The following CSPG4 variants were observed in gnomAD, a reference collection of about 807,000 sequenced individuals.
CSPG4 encodes chondroitin sulfate proteoglycan 4.
CSPG4 carries 74 observed loss-of-function variants against 139.3 expected under a neutral mutation model. The ratio of observed to expected loss-of-function variants is 0.53; its 90% CI spans 0.44 to 0.64. The LOEUF is 0.64. Ranked by LOEUF, CSPG4 falls within the 30% of genes least tolerant of loss-of-function variation. The pLI is 0.00. For missense variants in CSPG4, 2,565 were observed against 3,148.3 expected, an observed-to-expected ratio of 0.81 and a Z score of 4.43; for synonymous variants, 1,234 against 1,394.2, an observed-to-expected ratio of 0.89 and a Z score of 2.56.
At chr15:75,686,991 G>C (rs558556340) in intron 3 of CSPG4, among the ~76,000 whole-genome samples, 1 of 152,084 alleles carries the variant, frequency 6.6e-6, no homozygotes, top group Non-Finnish European at 1.5e-5. Context: ...CAGAGATTCT[G>C]TAGGGCTGGG....
rs1318988684 is a variant in CSPG4 at position 75,698,705 on chromosome 15, C to T, written c.89-5472G>A. ...CCAGCACATTGGTCTCCCTGGGCTC[C>T]TCAGGCAAGGGAGAAGCTGTCTGGT... On this transcript the variant is annotated intron_variant, in intron 1 of 9. Transcript: ENST00000308508. The surrounding 1 kb of genome is among the most constrained non-coding windows in gnomAD (Gnocchi z 4.3). Among the ~76,000 whole-genome samples, 2 of 152,058 alleles carry T rather than the reference C, an allele frequency of 1.3e-5. No individual in the cohort carries two copies. Among genetic ancestry groups the T allele is most frequent in the Non-Finnish European group, 2.9e-5 (2 of 67,990 alleles).
At chr15:75,686,872 A>G (rs1171147536) in intron 3 of CSPG4, among the ~76,000 whole-genome samples, 193 of 150,944 alleles carry the variant, frequency 1.3e-3, no homozygotes, top group East Asian at 9.9e-3. Flanking sequence ...GGGGGACATG[A>G]GGGTCTGAGG....
chr15:75,701,807 C>A (rs533268432), intron 1 of CSPG4, among the ~76,000 whole-genome samples: 1 of 152,180 alleles, frequency 6.6e-6, no homozygotes, highest in Admixed American at 6.5e-5. Context: ...ACTCAGTGTA[C>A]TCTCCCCTAC....
At chr15:75,704,533 C>T (rs1394990137) in intron 1 of CSPG4, among the ~76,000 whole-genome samples, 1 of 152,182 alleles carries the variant, frequency 6.6e-6, no homozygotes, top group Non-Finnish European at 1.5e-5. Context: ...GGGTGGGGGG[C>T]CTGGCCGGGC....
In CSPG4 at chr15:75,697,173, T is replaced by C. The variant is rs574996778; in HGVS notation, c.89-3940A>G. ...TGTTCCTTCTGAGTCCTCAGAAGGC[T>C]GCCTGTGTCCCTGTATCTGCCCCAT... On this transcript the variant is annotated intron_variant, in intron 1 of 9. Transcript: ENST00000308508. 2.4e-3 allele frequency among the ~76,000 whole-genome samples: 365 copies of C among 152,292 alleles called. 21 individuals carry two copies. In the South Asian group the frequency reaches 0.072, roughly 30 times the overall value.
Position 75,688,273 on chromosome 15 carries a change from C to A in CSPG4, c.2792G>T (p.Ser931Ile). Residue 931 changes from serine to isoleucine, a missense_variant, in exon 3 of 10, where the codon AGC becomes ATC. This residue lies in a region of CSPG4 where 2,316 missense variants were observed against 2,818.2 expected (regional missense o/e 0.82). Transcript: ENST00000308508. ...HLFVKSLNSASYLYEVMERPR... is the reference protein window; with the variant it reads ...HLFVKSLNSAIYLYEVMERPR... The stretch of plus-strand genomic sequence containing the variant: ...CCGCTCCATGACCTCATAGAGGTAG[C>A]TGGCACTGTTGAGACTCTTGACAAA... 1 of 1,613,086 alleles carries A rather than the reference C, an allele frequency of 6.2e-7. No homozygotes were observed. Among genetic ancestry groups the A allele is most frequent in the Non-Finnish European group, 8.5e-7 (1 of 1,180,030 alleles).
Position 75,690,680 on chromosome 15 carries a change from G to A in CSPG4, c.385C>T (p.Leu129=), listed in dbSNP as rs1894153238. Residue 129 remains leucine, a synonymous_variant, in exon 3 of 10, where the codon CTG becomes TTG. Transcript: ENST00000308508. The part of the protein sequence containing the change: ...GWATLSVDGF[L]NASSAVPGAP... The stretch of plus-strand genomic sequence containing the variant: ...CCTGGGACTGCTGAGGAGGCGTTCA[G>A]AAACCCATCGACTGACAACGTGGCC... 1.2e-6 allele frequency: 2 copies of A among 1,612,744 alleles called. No homozygotes were observed. The highest frequency in any genetic ancestry group is 1.7e-5 in the Admixed American group (1 of 60,016).
At chr15:75,677,485 C>T (rs747351006) in intron 9 of CSPG4, 101 bp from the exon 10 acceptor site, 1 of 1,306,892 alleles carries the variant, frequency 7.7e-7, no homozygotes, top group South Asian at 1.7e-5. Flanking sequence ...CTCCCCCCAA[C>T]CATCAAGCCA....
Position 75,677,277 on chromosome 15 carries a change from G to C in CSPG4, c.5242C>G (p.Leu1748Val). 1 of 1,493,230 alleles carries C rather than the reference G, an allele frequency of 6.7e-7. No homozygotes were observed. Among genetic ancestry groups the C allele is most frequent in the Non-Finnish European group, 9.0e-7 (1 of 1,116,642 alleles). The allele number at this position is 1,493,230 out of a possible 1,614,324, so 92.5% of individuals were successfully genotyped here. A position where few individuals can be genotyped will look rare whatever the true frequency, so the allele number is the denominator to read the frequency against. Residue 1748 changes from leucine (L) to valine (V), a missense_variant, in exon 10 of 10, where the codon CTC (leucine) becomes GTC (valine). By Grantham distance (32) the Leu-to-Val change is conservative (BLOSUM62 1). This residue lies in a region of CSPG4 where 2,316 missense variants were observed against 2,818.2 expected (regional missense o/e 0.82). Transcript: ENST00000308508. ...CTGGGGAACTGTGTGACCTGGAAGAGCACATCATGCTCTGAGCGCTGGGGT... is the reference window on the plus strand; with the variant it reads ...CTGGGGAACTGTGTGACCTGGAAGACCACATCATGCTCTGAGCGCTGGGGT... ...PSPQRSEHDV[L>V]FQVTQFPSRG... is the part of the protein sequence containing the mutation.
Position 75,677,784 on chromosome 15 carries a change from C to A in CSPG4, c.5053G>T (p.Asp1685Tyr). The change falls in exon 9 of 10, where the codon GAC (aspartate) becomes TAC (tyrosine). Residue 1685 changes from aspartate (D) to tyrosine (Y), a missense_variant. Physicochemically the swap from Asp to Tyr is radical, Grantham distance 160. This residue lies in a region of CSPG4 where 2,316 missense variants were observed against 2,818.2 expected (regional missense o/e 0.82). Transcript: ENST00000308508. ...GCCACAGCAAGGGTGGCGGCCACGT[C>A]CCGGGCAGGCGGCGAGGACAGCTGG... ...ELQLSSPPAR[D>Y]VAATLAVAVS... 1 of 1,611,748 alleles carries A rather than the reference C, an allele frequency of 6.2e-7. No individual in the cohort carries two copies. Among genetic ancestry groups the A allele is most frequent in the Non-Finnish European group, 8.5e-7 (1 of 1,179,078 alleles).
At chr15:75,681,028 T>C (rs1056155952) in intron 8 of CSPG4, among the ~76,000 whole-genome samples, 26 of 152,232 alleles carry the variant, frequency 1.7e-4, no homozygotes, top group Admixed American at 1.5e-3. Flanking sequence ...GCTGATGGCC[T>C]GGTCCCGTGC....
Position 75,688,618 on chromosome 15 carries a change from G to A in CSPG4, c.2447C>T (p.Pro816Leu), listed in dbSNP as rs778610496. The A allele has an allele frequency of 2.3e-4, 363 of 1,612,732 alleles. No individual in the cohort carries two copies. Among genetic ancestry groups the A allele is most frequent in the Non-Finnish European group, 2.9e-4 (344 of 1,179,912 alleles). The change falls in exon 3 of 10, where the codon CCA becomes CTA. Residue 816 changes from proline (P) to leucine (L), a missense_variant. Pro to Leu is a moderately conservative substitution (Grantham distance 98). Coordinates refer to ENST00000308508, the MANE Select transcript of CSPG4 (RefSeq NM_001897.5). ...CTCATAATGGAAGGTTGGGGGGCTT[G>A]GGCCTGCCTCCTCCAGGGTGGCCTC... ...HLEATLEEAG[P>L]SPPTFHYEVV...
At position 75,676,274 on chromosome 15, in the gene CSPG4, C is replaced by A; in HGVS notation, c.6245G>T (p.Arg2082Leu). The A allele has an allele frequency of 6.3e-7, 1 of 1,582,054 alleles. No homozygotes were observed. The highest frequency in any genetic ancestry group is 1.1e-5 in the South Asian group (1 of 89,010). The change falls in exon 10 of 10, where the codon CGC (arginine) becomes CTC (leucine). Residue 2082 changes from arginine to leucine, a missense_variant. This residue lies in a region of CSPG4 where 2,316 missense variants were observed against 2,818.2 expected (regional missense o/e 0.82). Coordinates refer to ENST00000308508, the MANE Select transcript of CSPG4 (RefSeq NM_001897.5). Reference sequence around the variant, plus strand: ...CCGGGGTCCCTCCAGGAGGCGGAAGCGCGGCACACTGCCTGTGCGGTTGGC... The same window carrying A: ...CCGGGGTCCCTCCAGGAGGCGGAAGAGCGGCACACTGCCTGTGCGGTTGGC... ...ELANRTGSVP[R>L]FRLLEGPRHG... is the part of the protein sequence containing the mutation.
intron 1 of CSPG4, among the ~76,000 whole-genome samples, chr15:75,707,474 A>C (rs533216813): frequency 6.6e-6 from 1 of 152,086 alleles, no homozygotes; most frequent in African/African-American, 2.4e-5. Flanking sequence ...GGTCCCCAAC[A>C]TTTCAGATAA....
intron 1 of CSPG4, among the ~76,000 whole-genome samples, chr15:75,699,170 A>C (rs1039539815): frequency 3.3e-5 from 5 of 152,204 alleles, no homozygotes; most frequent in African/African-American, 7.2e-5. Flanking sequence ...AGCAGCCATC[A>C]TCTCAGGAGA....
intron 1 of CSPG4, among the ~76,000 whole-genome samples, chr15:75,701,217 C>T (rs777124434): frequency 1.3e-5 from 2 of 152,204 alleles, no homozygotes; most frequent in Non-Finnish European, 2.9e-5. Flanking sequence ...GGACCAGGGC[C>T]CACATCTCCT....
intron 3 of CSPG4, among the ~76,000 whole-genome samples, chr15:75,686,100 G>A (rs185762915): frequency 4.4e-4 from 67 of 152,206 alleles, no homozygotes; most frequent in Non-Finnish European, 7.2e-4. Flanking sequence ...GGGTTGCCCC[G>A]GCTGCTGGTC....
In CSPG4 at chr15:75,682,613, A is replaced by G; in HGVS notation, c.4777T>C (p.Cys1593Arg). 2 of 1,613,036 alleles carry G rather than the reference A, an allele frequency of 1.2e-6. No individual in the cohort carries two copies. Among genetic ancestry groups the G allele is most frequent in the Non-Finnish European group, 1.7e-6 (2 of 1,179,990 alleles). ...CCATGATCAGCACACCCACCTGGGC[A>G]GACAGTCAGTGTCTGGCTGCCCTTC... ...SLKGSQTLTVCPGSVQPLSSQ... is the reference protein window; with the variant it reads ...SLKGSQTLTVRPGSVQPLSSQ... The change falls in exon 7 of 10, where the codon TGC (cysteine) becomes CGC (arginine). Residue 1593 changes from cysteine (C) to arginine (R), a missense_variant. Cys to Arg is a radical substitution (Grantham distance 180). Around this residue, in one of 5 missense-constraint regions of CSPG4, gnomAD observed 2,316 missense variants for 2,818.2 expected, o/e 0.82. Transcript: ENST00000308508.
At chr15:75,705,915 G>A (rs528299663) in intron 1 of CSPG4, among the ~76,000 whole-genome samples, 16 of 152,162 alleles carry the variant, frequency 1.1e-4, no homozygotes, top group African/African-American at 3.9e-4. Flanking sequence ...GTGCGTGTGT[G>A]TGTGCGTATG....
Sources: gnomAD v4.1 joint callset for allele counts (sites outside exome capture counted in the v4.1 genomes callset) on GRCh38, gnomAD v4.1.1 for gene constraint, gnomAD v4.1.1 regional missense constraint, Gnocchi (gnomAD v3.1) non-coding constraint, MANE v1.5 for transcripts, NCBI Gene and HGNC (gene_info 2026-07-23, HGNC 2026-07-21) for gene names.